LRMDA: variants seen among roughly 807,000 people sequenced by gnomAD.
LRMDA encodes leucine-rich melanocyte differentiation-associated protein.
LRMDA carries 18 observed loss-of-function variants against 29.8 expected under a neutral mutation model. That is an observed-to-expected ratio of 0.60 (90% CI 0.42 to 0.90). The LOEUF is 0.90. LRMDA is among the 40% of genes least tolerant of loss of function. The pLI is 0.00. For synonymous variants in LRMDA, 125 were observed against 109.4 expected, an observed-to-expected ratio of 1.14 and a Z score of -0.89; for missense variants, 273 against 273.9, an observed-to-expected ratio of 1.00 and a Z score of 0.02.
intron 2 of LRMDA, among the ~76,000 whole-genome samples, chr10:76,000,605 T>C (rs574599701): frequency 6.6e-6 from 1 of 152,262 alleles, no homozygotes; most frequent in African/African-American, 2.4e-5. Flanking sequence ...GTGGTGAACC[T>C]CGAGTTTAGG....
chr10:75,475,901 C>T (rs531747333), intron 2 of LRMDA, among the ~76,000 whole-genome samples: 3 of 152,182 alleles, frequency 2.0e-5, no homozygotes, highest in Non-Finnish European at 2.9e-5. Context: ...CGAAAGAAGG[C>T]GTGGGTGTTG....
chr10:75,517,344 C>A (rs558899581), intron 2 of LRMDA, among the ~76,000 whole-genome samples: 1 of 152,234 alleles, frequency 6.6e-6, no homozygotes, highest in African/African-American at 2.4e-5. Flanking sequence ...CTTGAATGTT[C>A]TTCCATTTGT....
At chr10:75,987,214 A>G (rs145223133) in intron 2 of LRMDA, among the ~76,000 whole-genome samples, 4 of 152,304 alleles carry the variant, frequency 2.6e-5, no homozygotes, top group African/African-American at 9.6e-5. Context: ...TCTGCTTATG[A>G]CAGATGATCC....
chr10:75,813,437 A>G (rs1163877604), intron 2 of LRMDA, among the ~76,000 whole-genome samples: 1 of 152,202 alleles, frequency 6.6e-6, no homozygotes, highest in Non-Finnish European at 1.5e-5. Context: ...TGTATTTTAT[A>G]AAGCTCCCCA....
At chr10:75,732,900 T>G (rs746999291) in intron 2 of LRMDA, among the ~76,000 whole-genome samples, 7 of 152,088 alleles carry the variant, frequency 4.6e-5, no homozygotes, top group Non-Finnish European at 1.0e-4. Flanking sequence ...CTGAAAAAGA[T>G]TGAGGAGGGT....
At chr10:76,415,462 G>A (rs1842004735) in intron 6 of LRMDA, among the ~76,000 whole-genome samples, 2 of 152,112 alleles carry the variant, frequency 1.3e-5, no homozygotes, top group Non-Finnish European at 2.9e-5. Flanking sequence ...TAGCTCCTGG[G>A]TTTGTTTGTG....
At chr10:76,446,418 G>A (rs903827680) in intron 6 of LRMDA, among the ~76,000 whole-genome samples, 1 of 152,046 alleles carries the variant, frequency 6.6e-6, no homozygotes, top group Non-Finnish European at 1.5e-5. Flanking sequence ...AAAAATAATT[G>A]TGTCTGTACT....
At chr10:76,119,097 G>T (rs1849720853) in intron 5 of LRMDA, among the ~76,000 whole-genome samples, 1 of 151,984 alleles carries the variant, frequency 6.6e-6, no homozygotes, top group African/African-American at 2.4e-5. Context: ...TTTTTGAGAG[G>T]CTTGTAGTGA....
In LRMDA at chr10:76,347,898, C is replaced by T. The variant is rs565197181; in HGVS notation, c.601+23413C>T. ...TTTGTTTTTTTACATATTAAATGAT[C>T]TGTAATATGTTGAAAATGAAGAGGA... is the stretch of plus-strand genomic sequence containing the variant. On this transcript the variant is annotated intron_variant, in intron 6 of 6. Coordinates refer to ENST00000611255, the MANE Select transcript of LRMDA (RefSeq NM_001305581.2). Among the ~76,000 whole-genome samples the T allele has an allele frequency of 1.9e-3, 291 of 152,146 alleles. 1 individual carries two copies. The highest frequency in any genetic ancestry group is 3.5e-3 in the Non-Finnish European group (236 of 68,002).
chr10:75,973,890 G>C (rs1847025549), intron 2 of LRMDA, among the ~76,000 whole-genome samples: 1 of 152,130 alleles, frequency 6.6e-6, no homozygotes, highest in South Asian at 2.1e-4. Flanking sequence ...CCTGGATTTA[G>C]AGTGAATCTC....
chr10:75,916,240 C>A (rs1845932934), intron 2 of LRMDA, among the ~76,000 whole-genome samples: 2 of 151,568 alleles, frequency 1.3e-5, no homozygotes, highest in African/African-American at 4.9e-5. Context: ...AGCCCGTGAG[C>A]CTTCCCTGAA....
At chr10:75,709,925 TCATATCA>T (rs1842416225) in intron 2 of LRMDA, among the ~76,000 whole-genome samples, 1 of 152,202 alleles carries the variant, frequency 6.6e-6, no homozygotes, top group Non-Finnish European at 1.5e-5. Context: ...TTTGCTTAGC[TCATATCA>T]CATTGTACAG....
At chr10:76,008,033 A>G (rs1847703819) in intron 2 of LRMDA, among the ~76,000 whole-genome samples, 1 of 152,206 alleles carries the variant, frequency 6.6e-6, no homozygotes. Flanking sequence ...AATTTTAAGC[A>G]AGTGGCAGGC....
intron 2 of LRMDA, among the ~76,000 whole-genome samples, chr10:75,719,372 G>A (rs1208886152): frequency 6.6e-6 from 1 of 152,166 alleles, no homozygotes; most frequent in Non-Finnish European, 1.5e-5. Context: ...TGTGTGACAA[G>A]GTAACCAGCT....
At chr10:76,019,757 A>G (rs761638903) in intron 2 of LRMDA, among the ~76,000 whole-genome samples, 3 of 152,126 alleles carry the variant, frequency 2.0e-5, no homozygotes, top group Non-Finnish European at 4.4e-5. Flanking sequence ...TTGAAATGCA[A>G]TGTGTCACCT....
At chr10:75,597,886 G>A (rs941661490) in intron 2 of LRMDA, among the ~76,000 whole-genome samples, 3 of 152,154 alleles carry the variant, frequency 2.0e-5, no homozygotes, top group African/African-American at 7.2e-5. Flanking sequence ...GTACAAATCA[G>A]TTGTCATTCA....
intron 6 of LRMDA, among the ~76,000 whole-genome samples, chr10:76,361,799 T>A: frequency 6.6e-6 from 1 of 152,176 alleles, no homozygotes. Flanking sequence ...TATGTTTAGT[T>A]AAATTGTTGA....
chr10:76,525,348 C>T (rs570572321), intron 6 of LRMDA, among the ~76,000 whole-genome samples: 3 of 152,218 alleles, frequency 2.0e-5, no homozygotes, highest in South Asian at 4.1e-4. Flanking sequence ...TTATGAAAAC[C>T]GAAGCATGGC....
Position 75,438,378 on chromosome 10 carries a change from T to A in LRMDA, c.31-16T>A, listed in dbSNP as rs1844286120. On this transcript the variant is annotated splice_polypyrimidine_tract_variant and intron_variant, in intron 1 of 6. Coordinates refer to ENST00000611255, the MANE Select transcript of LRMDA (RefSeq NM_001305581.2). ...TTTCCATTTGCCACATTGTTTCTGTTCCATTTAATTTCCAGGTGTCCTACA... is the reference window on the plus strand; with the variant it reads ...TTTCCATTTGCCACATTGTTTCTGTACCATTTAATTTCCAGGTGTCCTACA... 6.5e-7 allele frequency: 1 copy of A among 1,542,354 alleles called. No homozygotes were observed. Among genetic ancestry groups the A allele is most frequent in the Non-Finnish European group, 8.8e-7 (1 of 1,139,168 alleles).
Sources: allele counts gnomAD v4.1 joint callset (sites outside exome capture counted in the v4.1 genomes callset), GRCh38; gene constraint gnomAD v4.1.1; transcripts MANE v1.5; gene names NCBI Gene and HGNC (gene_info 2026-07-23, HGNC 2026-07-21).